KCNAB2: variants seen among roughly 807,000 people sequenced by gnomAD.
KCNAB2 encodes voltage-gated potassium channel subunit beta-2.
A neutral mutation model predicts 63.6 loss-of-function variants in KCNAB2; 29 were observed. The observed-to-expected ratio is 0.46, with a 90% CI of 0.34 to 0.62. The LOEUF is 0.62. KCNAB2 is among the 20% of genes least tolerant of loss of function. The pLI is 0.01. For synonymous variants in KCNAB2, 222 were observed against 224.2 expected, an observed-to-expected ratio of 0.99 and a Z score of 0.09; for missense variants, 359 against 563.9, an observed-to-expected ratio of 0.64 and a Z score of 3.68.
intron 4 of KCNAB2, among the ~76,000 whole-genome samples, chr1:6,079,933 A>G (rs1175953253): frequency 2.6e-5 from 4 of 152,384 alleles, no homozygotes; most frequent in East Asian, 1.9e-4. Flanking sequence ...TTAAACAAAA[A>G]GAATGAAAGG....
chr1:6,094,534 C>A, intron 11 of KCNAB2, 49 bp downstream of exon 11: 1 of 1,487,484 alleles, frequency 6.7e-7, no homozygotes, highest in Non-Finnish European at 9.2e-7. Flanking sequence ...ACTCCCGGCA[C>A]CGGCTGCGTA....
intron 9 of KCNAB2, 34 bp from the exon 10 acceptor site, chr1:6,091,229 C>T (rs1233270214): frequency 4.0e-6 from 6 of 1,494,296 alleles, no homozygotes; most frequent in African/African-American, 1.4e-5. Context: ...CAGCTATCAA[C>T]TCTGGTCTCT....
intron 4 of KCNAB2, 38 bp from the exon 5 acceptor site, chr1:6,082,157 C>A (rs1664264019): frequency 1.3e-6 from 2 of 1,586,492 alleles, no homozygotes; most frequent in South Asian, 1.1e-5. Context: ...TGGGCCCCAC[C>A]CCCGGCTGGC....
rs1656856194 is a variant in KCNAB2 at position 5,994,869 on chromosome 1, A to G, written c.-53+2081A>G. ...GTTCAGGAGGAAGCGAGTGCCACACAGTTTTGATTTGGCAGTTTCCGGCCT... is the reference window on the plus strand; with the variant it reads ...GTTCAGGAGGAAGCGAGTGCCACACGGTTTTGATTTGGCAGTTTCCGGCCT... On this transcript the variant is annotated intron_variant, in intron 1 of 16. Coordinates refer to the KCNAB2 transcript ENST00000341524. This position sits in a 1 kb window ranked among gnomAD's most constrained non-coding sequence, Gnocchi z 5.4. 6.6e-6 allele frequency among the ~76,000 whole-genome samples: 1 copy of G among 152,132 alleles called. No individual in the cohort carries two copies. The highest frequency in any genetic ancestry group is 1.5e-5 in the Non-Finnish European group (1 of 68,026).
intron 1 of KCNAB2, among the ~76,000 whole-genome samples, chr1:6,014,382 G>A (rs966768195): frequency 4.6e-5 from 7 of 152,326 alleles, no homozygotes; most frequent in South Asian, 2.1e-4. Context: ...GCAGCACCAC[G>A]TCGGACAGTG....
chr1:6,006,863 G>A (rs1458616587), intron 1 of KCNAB2, among the ~76,000 whole-genome samples: 4 of 151,610 alleles, frequency 2.6e-5, no homozygotes, highest in East Asian at 1.9e-4. Flanking sequence ...TCCAAGGGCC[G>A]TGATTGAAAC....
At chr1:6,045,806 G>A, upstream of KCNAB2, 1 of 680,032 alleles carries the variant, frequency 1.5e-6, no homozygotes, top group Non-Finnish European at 1.8e-6. This position sits in a 1 kb window ranked among gnomAD's most constrained non-coding sequence, Gnocchi z 4.8. Context: ...ACGCGGGGAT[G>A]GTGGAGGCAG....
chr1:6,075,349 A>G (rs1015028767), intron 4 of KCNAB2, among the ~76,000 whole-genome samples: 91 of 152,368 alleles, frequency 6.0e-4, no homozygotes, highest in Non-Finnish European at 6.3e-4. Flanking sequence ...AGCATTAATG[A>G]ATGGCCCAGT....
intron 1 of KCNAB2, among the ~76,000 whole-genome samples, chr1:6,014,029 C>T (rs1184230276): frequency 2.0e-5 from 3 of 152,226 alleles, no homozygotes; most frequent in African/African-American, 4.8e-5. Flanking sequence ...TCTCAGCTGT[C>T]ATTTGTGCCT....
chr1:6,079,820 T>C (rs566198410), intron 4 of KCNAB2, among the ~76,000 whole-genome samples: 4 of 152,250 alleles, frequency 2.6e-5, no homozygotes, highest in Non-Finnish European at 4.4e-5. Context: ...CGAATGTACT[T>C]ACTGCCATTG....
rs1482835704 is a variant in KCNAB2 at position 6,097,219 on chromosome 1, G to A, written c.1070-50G>A. The A allele has an allele frequency of 3.3e-6, 5 of 1,497,978 alleles. No individual in the cohort carries two copies. The Admixed American group carries it at 8.5e-5, about 25-fold the overall frequency. 92.8% of individuals were successfully genotyped at this position (1,497,978 alleles called of 1,614,324 possible). ...GTCAGAGGCAAGGCAGACCCATCAG[G>A]GGCCCCTGTGGTGGGTGTTTCTCCC... On this transcript the variant is annotated intron_variant, in intron 14 of 15. Transcript: ENST00000378083.
At chr1:6,056,178 G>C (rs1463159657) in intron 2 of KCNAB2, among the ~76,000 whole-genome samples, 1 of 152,158 alleles carries the variant, frequency 6.6e-6, no homozygotes, top group Non-Finnish European at 1.5e-5. Flanking sequence ...CCGAGTAGCT[G>C]GGACTACAGG....
intron 1 of KCNAB2, among the ~76,000 whole-genome samples, chr1:6,021,229 C>G (rs909295017): frequency 3.3e-5 from 5 of 152,118 alleles, no homozygotes; most frequent in Non-Finnish European, 7.4e-5. Flanking sequence ...AGTTCCTGGG[C>G]TCAAGCGATC....
intron 10 of KCNAB2, among the ~76,000 whole-genome samples, chr1:6,093,000 G>A (rs1571100011): frequency 6.6e-6 from 1 of 152,332 alleles, no homozygotes; most frequent in East Asian, 1.9e-4. Flanking sequence ...TCAGTAAAGG[G>A]GCACTCAGGG....
rs61489719 is a variant in KCNAB2 at position 6,073,641 on chromosome 1, C to T, written c.263-92C>T. The T allele has an allele frequency of 0.025, 30,003 of 1,198,560 alleles. 4,595 individuals are homozygous for T. The African/African-American group carries it at 0.36, about 14-fold the overall frequency. The allele number at this position is 1,198,560 out of a possible 1,614,324, so 74.2% of individuals were successfully genotyped here. A position where few individuals can be genotyped will look rare whatever the true frequency, so the allele number is the denominator to read the frequency against. On this transcript the variant is annotated intron_variant, in intron 3 of 15. Transcript: ENST00000378083. The surrounding 1 kb of genome is among the most constrained non-coding windows in gnomAD (Gnocchi z 5.7). ...AGCACAGAGGGACACCTGTGGCTGC[C>T]CCCTGTGCCCTACAGCCTGAGGTCT...
chr1:6,033,342 TGTGTGTGTGC>T (rs1659784241), upstream of KCNAB2, among the ~76,000 whole-genome samples: 1 of 131,224 alleles, frequency 7.6e-6, no homozygotes, highest in Non-Finnish European at 1.7e-5. Flanking sequence ...ATTGTGCATG[TGTGTGTGTGC>T]GTGTGGGTGT....
At chr1:6,013,816 G>T (rs887255779) in intron 1 of KCNAB2, among the ~76,000 whole-genome samples, 4 of 151,890 alleles carry the variant, frequency 2.6e-5, no homozygotes. Context: ...TGCTGCCCGG[G>T]CCCCCCCAGC....
chr1:6,050,121 C>T (rs185126324), intron 1 of KCNAB2, among the ~76,000 whole-genome samples: 17 of 152,348 alleles, frequency 1.1e-4, no homozygotes, highest in African/African-American at 3.4e-4. Flanking sequence ...GCCTCTGTAG[C>T]TGCCTCAGCT....
chr1:6,029,143 C>A (rs1047890339), intron 1 of KCNAB2, among the ~76,000 whole-genome samples: 2 of 152,094 alleles, frequency 1.3e-5, no homozygotes, highest in Admixed American at 1.3e-4. Flanking sequence ...ATTAGCCAGG[C>A]ATGGCAGCGT....
Sources: gnomAD v4.1 joint callset for allele counts (sites outside exome capture counted in the v4.1 genomes callset) on GRCh38, gnomAD v4.1.1 for gene constraint, Gnocchi (gnomAD v3.1) non-coding constraint, MANE v1.5 for transcripts, NCBI Gene and HGNC (gene_info 2026-07-23, HGNC 2026-07-21) for gene names.